DNAH5: variants seen among roughly 807,000 people sequenced by gnomAD.
DNAH5 encodes the protein dynein axonemal heavy chain 5.
DNAH5 carries 372 observed loss-of-function variants against 518.2 expected under a neutral mutation model. The ratio of observed to expected loss-of-function variants is 0.72; its 90% CI spans 0.66 to 0.78. DNAH5 has a LOEUF of 0.78. Among genes scored for constraint, DNAH5 ranks in the 30% least tolerant of loss-of-function variants. DNAH5 has a pLI of 0.00. For missense variants in DNAH5, 5,523 were observed against 5,687.0 expected, an observed-to-expected ratio of 0.97 and a Z score of 0.93; for synonymous variants, 2,039 against 2,025.9, an observed-to-expected ratio of 1.01 and a Z score of -0.17.
chr5:13,812,094 C>T (rs1274697474), intron 43 of DNAH5, among the ~76,000 whole-genome samples: 1 of 152,090 alleles, frequency 6.6e-6, no homozygotes, highest in Non-Finnish European at 1.5e-5. Context: ...CTCAGGAGCC[C>T]ACTGCAAGCA....
At position 13,793,670 on chromosome 5, in the gene DNAH5, T is replaced by C; in HGVS notation, c.8069A>G (p.Lys2690Arg). 1 of 1,614,166 alleles carries C rather than the reference T, an allele frequency of 6.2e-7. No individual in the cohort carries two copies. The highest frequency in any genetic ancestry group is 8.5e-7 in the Non-Finnish European group (1 of 1,180,038). Residue 2690 changes from lysine (K) to arginine (R), a missense_variant, in exon 49 of 79, where the codon AAG (lysine) becomes AGG (arginine). Lys to Arg is a conservative substitution (Grantham distance 26). Around this residue, in one of 3 missense-constraint regions of DNAH5, gnomAD observed 5,121 missense variants for 5,223.3 expected, o/e 0.98. Coordinates refer to ENST00000265104, the MANE Select transcript of DNAH5 (RefSeq NM_001369.3). ...CACGATGCTGGTGAACTCCCCAGGC[T>C]TCTCTAGATTATAGAATCCATTTTG... is the stretch of plus-strand genomic sequence containing the variant. Reference protein sequence around the residue: ...MEQNGFYNLEKPGEFTSIVDI... With the variant: ...MEQNGFYNLERPGEFTSIVDI...
At chr5:13,735,375 T>C in intron 67 of DNAH5, 54 bp from the exon 68 acceptor site, 1 of 1,540,180 alleles carries the variant, frequency 6.5e-7, no homozygotes, top group South Asian at 1.1e-5. Context: ...TTCAATTGTC[T>C]GTAAAAACAA....
At chr5:13,778,570 GAA>G (rs1554044622) in intron 53 of DNAH5, among the ~76,000 whole-genome samples, 16 of 71,918 alleles carry the variant, frequency 2.2e-4, no homozygotes, top group African/African-American at 4.7e-4. Context: ...AAGAAAGAAA[GAA>G]AGAAAGAAAG....
Position 13,721,063 on chromosome 5 carries a change from A to G in DNAH5, c.12216T>C (p.Tyr4072=), listed in dbSNP as rs1744989045. The G allele has an allele frequency of 6.2e-7, 1 of 1,614,136 alleles. No homozygotes were observed. The highest frequency in any genetic ancestry group is 1.3e-5 in the African/African-American group (1 of 75,058). Residue 4072 remains tyrosine, a synonymous_variant, in exon 71 of 79, where the codon TAT becomes TAC. Coordinates refer to ENST00000265104, the MANE Select transcript of DNAH5 (RefSeq NM_001369.3). ...CTTCCTGGCCCTGGCCCATGGACACATAACGGGTTTCTATTTTTAATCTCT... is the reference window on the plus strand; with the variant it reads ...CTTCCTGGCCCTGGCCCATGGACACGTAACGGGTTTCTATTTTTAATCTCT... ...LGKRLKIETR[Y]VSMGQGQEVH... is the part of the protein sequence containing the mutation.
chr5:13,728,083 A>G (rs1745992385), intron 69 of DNAH5, among the ~76,000 whole-genome samples: 1 of 152,214 alleles, frequency 6.6e-6, no homozygotes, highest in Non-Finnish European at 1.5e-5. Context: ...CCAAAAGAAG[A>G]CATTTAACAC....
chr5:13,728,913 A>T (rs1322313774), intron 69 of DNAH5, among the ~76,000 whole-genome samples: 1 of 152,218 alleles, frequency 6.6e-6, no homozygotes, highest in East Asian at 1.9e-4. Flanking sequence ...GATTCTAGAA[A>T]GATGATAACT....
At chr5:13,800,154 G>A (rs531284660) in intron 47 of DNAH5, among the ~76,000 whole-genome samples, 8 of 152,292 alleles carry the variant, frequency 5.3e-5, no homozygotes, top group African/African-American at 1.9e-4. Context: ...CCTGTCACTT[G>A]AGGTGAGGTG....
intron 1 of DNAH5, among the ~76,000 whole-genome samples, chr5:13,972,433 A>G (rs1055765282): frequency 6.6e-6 from 1 of 152,086 alleles, no homozygotes; most frequent in Admixed American, 6.5e-5. Flanking sequence ...CCCCAATTCC[A>G]CTGGCAGCTC....
intron 1 of DNAH5, among the ~76,000 whole-genome samples, chr5:13,995,766 C>G (rs914661462): frequency 1.3e-5 from 2 of 152,070 alleles, no homozygotes; most frequent in African/African-American, 2.4e-5. Flanking sequence ...CTTTTTGACC[C>G]TCTCTTTATT....
In DNAH5 at chr5:13,811,688, T is replaced by G; in HGVS notation, c.7366A>C (p.Thr2456Pro). 6.2e-7 allele frequency: 1 copy of G among 1,614,178 alleles called. No individual in the cohort carries two copies. Among genetic ancestry groups the G allele is most frequent in the South Asian group, 1.1e-5 (1 of 91,076 alleles). ...CCTTGAAGCATGTTAATGCTCTGTG[T>G]GATGACAAAGGCCTCCAGCACCTCC... The part of the protein sequence containing the change: ...KMEVLEAFVI[T>P]QSINMLQGLI... The change falls in exon 44 of 79, where the codon ACA (threonine) becomes CCA (proline). Residue 2456 changes from threonine (T) to proline (P), a missense_variant. By Grantham distance (38) the Thr-to-Pro change is conservative (BLOSUM62 -1). Around this residue, in one of 3 missense-constraint regions of DNAH5, gnomAD observed 5,121 missense variants for 5,223.3 expected, o/e 0.98. Coordinates refer to ENST00000265104, the MANE Select transcript of DNAH5 (RefSeq NM_001369.3).
intron 1 of DNAH5, among the ~76,000 whole-genome samples, chr5:14,002,746 T>C (rs1331115487): frequency 6.6e-6 from 1 of 152,102 alleles, no homozygotes; most frequent in Non-Finnish European, 1.5e-5. Flanking sequence ...AATTTGAGTT[T>C]ACTTTTTTAA....
At chr5:13,994,143 C>T (rs912142539) in intron 1 of DNAH5, among the ~76,000 whole-genome samples, 5 of 152,192 alleles carry the variant, frequency 3.3e-5, no homozygotes, top group East Asian at 1.9e-4. Flanking sequence ...TCCTCCCGCA[C>T]GCCTCCACCT....
At chr5:13,910,418 C>G (rs1398979324) in intron 12 of DNAH5, among the ~76,000 whole-genome samples, 2 of 152,186 alleles carry the variant, frequency 1.3e-5, no homozygotes, top group East Asian at 3.9e-4. Flanking sequence ...AATGAGCTAG[C>G]TTTGTTATGA....
intron 58 of DNAH5, 110 bp from the exon 59 acceptor site, chr5:13,766,289 G>T: frequency 3.4e-6 from 4 of 1,165,458 alleles, no homozygotes; most frequent in South Asian, 2.5e-5. Flanking sequence ...ACTGTTTTAA[G>T]TTAGATGCAG....
chr5:13,870,709 G>A lies in DNAH5; in HGVS notation c.3834+58C>T, dbSNP rs368991036. The A allele has an allele frequency of 4.2e-6, 6 of 1,433,694 alleles. No individual in the cohort carries two copies. In the African/African-American group the frequency reaches 8.4e-5, roughly 20 times the overall value. The allele number at this position is 1,433,694 out of a possible 1,614,324, so 88.8% of individuals were successfully genotyped here. A position where few individuals can be genotyped will look rare whatever the true frequency, so the allele number is the denominator to read the frequency against. On this transcript the variant is annotated intron_variant, in intron 24 of 78. Transcript: ENST00000265104. ...CACTCCAGACCCAGTCAATATTTCA[G>A]CTAATAGCATCCAACATGTAGAAAT... is the stretch of plus-strand genomic sequence containing the variant.
intron 42 of DNAH5, among the ~76,000 whole-genome samples, chr5:13,816,775 T>C (rs1321933935): frequency 1.3e-5 from 2 of 152,128 alleles, no homozygotes. Flanking sequence ...GCGTCAATGG[T>C]ACTACTTTAA....
At chr5:13,704,279 A>ACACACTCTCTTCTGCTCC (rs369796916) in intron 76 of DNAH5, among the ~76,000 whole-genome samples, 3 of 152,030 alleles carry the variant, frequency 2.0e-5, no homozygotes, top group East Asian at 1.9e-4. Context: ...GAAAGGGACC[A>ACACACTCTCTTCTGCTCC]CACACTCTCT....
intron 38 of DNAH5, among the ~76,000 whole-genome samples, chr5:13,825,667 T>C (rs1237570881): frequency 4.6e-5 from 7 of 152,128 alleles, no homozygotes; most frequent in Non-Finnish European, 8.8e-5. Flanking sequence ...GTCAAATTCA[T>C]AGAAACAGAA....
chr5:13,915,400 T>C (rs2151983710), intron 9 of DNAH5, among the ~76,000 whole-genome samples: 1 of 152,134 alleles, frequency 6.6e-6, no homozygotes, highest in East Asian at 1.9e-4. Flanking sequence ...TAAATGGTGG[T>C]TTCATTATTT....
Sources: allele counts gnomAD v4.1 joint callset (sites outside exome capture counted in the v4.1 genomes callset), GRCh38; gene constraint gnomAD v4.1.1; regional missense constraint gnomAD v4.1.1; transcripts MANE v1.5; gene names NCBI Gene and HGNC (gene_info 2026-07-23, HGNC 2026-07-21).